Variants in DAPP1 observed in about 807,000 individuals in gnomAD.
The protein encoded by DAPP1 is dual adaptor of phosphotyrosine and 3-phosphoinositides 1.
DAPP1 carries 20 observed loss-of-function variants against 41.5 expected under a neutral mutation model. The ratio of observed to expected loss-of-function variants is 0.48; its 90% CI spans 0.34 to 0.70. The LOEUF is 0.70. Among genes scored for constraint, DAPP1 ranks in the 30% least tolerant of loss-of-function variants. The pLI is 0.01. For synonymous variants in DAPP1, 113 were observed against 116.2 expected, an observed-to-expected ratio of 0.97 and a Z score of 0.18; for missense variants, 233 against 333.4, an observed-to-expected ratio of 0.70 and a Z score of 2.35.
At chr4:99,834,984 T>C (rs1314039535) in intron 1 of DAPP1, among the ~76,000 whole-genome samples, 3 of 148,590 alleles carry the variant, frequency 2.0e-5, no homozygotes, top group African/African-American at 7.5e-5. Flanking sequence ...ACCAGTCATA[T>C]TGAATTAGGG....
chr4:99,841,839 T>C (rs1723505828), intron 3 of DAPP1, among the ~76,000 whole-genome samples: 2 of 152,378 alleles, frequency 1.3e-5, no homozygotes, highest in South Asian at 4.1e-4. Flanking sequence ...TAAGAACTCT[T>C]TGTAGTCTTC....
chr4:99,819,143 C>T (rs988357483), intron 1 of DAPP1, among the ~76,000 whole-genome samples: 9 of 152,252 alleles, frequency 5.9e-5, no homozygotes, highest in South Asian at 4.1e-4. Flanking sequence ...AAAATATACC[C>T]GTTTCAAGTG....
chr4:99,841,547 T>A (rs1471981185), intron 3 of DAPP1, among the ~76,000 whole-genome samples: 1 of 152,210 alleles, frequency 6.6e-6, no homozygotes, highest in African/African-American at 2.4e-5. Flanking sequence ...GTTGTTCCCA[T>A]GAACAAATGG....
intron 4 of DAPP1, among the ~76,000 whole-genome samples, chr4:99,856,095 ACT>A (rs935212985): frequency 6.6e-6 from 1 of 152,016 alleles, no homozygotes; most frequent in African/African-American, 2.4e-5. Flanking sequence ...TATTAAACAA[ACT>A]TTTTTTTTTT....
At chr4:99,818,082 T>C (rs1722650212) in intron 1 of DAPP1, among the ~76,000 whole-genome samples, 1 of 152,236 alleles carries the variant, frequency 6.6e-6, no homozygotes, top group African/African-American at 2.4e-5. Flanking sequence ...CTTTTTATGT[T>C]GTATTACTGT....
At chr4:99,819,350 C>T (rs1691280900) in intron 1 of DAPP1, among the ~76,000 whole-genome samples, 1 of 152,124 alleles carries the variant, frequency 6.6e-6, no homozygotes, top group South Asian at 2.1e-4. Context: ...TGCCTAATTC[C>T]CTGGTATAAA....
intron 6 of DAPP1, 130 bp from the exon 7 acceptor site, chr4:99,863,640 C>T: frequency 3.0e-6 from 2 of 669,244 alleles, no homozygotes; most frequent in Non-Finnish European, 5.1e-6. Flanking sequence ...TATTGTCAGT[C>T]CTGTTAGTGA....
intron 1 of DAPP1, among the ~76,000 whole-genome samples, chr4:99,822,576 T>G (rs1272490998): frequency 6.6e-6 from 1 of 152,038 alleles, no homozygotes; most frequent in Non-Finnish European, 1.5e-5. Context: ...GGTAGCAAAA[T>G]ATGCAAGGAT....
rs528273556 is a variant in DAPP1, at chr4:99,848,037, C to T, written c.359-5181C>T. 4.7e-3 allele frequency among the ~76,000 whole-genome samples: 710 copies of T among 152,078 alleles called. 2 individuals are homozygous for T. Among genetic ancestry groups the T allele is most frequent in the Non-Finnish European group, 6.3e-3 (430 of 68,006 alleles). ...TCATGTTGGCCAGGATGGTCTTGAT[C>T]TCCTGACCTCATGATCCGCCCCCTC... is the stretch of plus-strand genomic sequence containing the variant. On this transcript the variant is annotated intron_variant, in intron 3 of 8. Transcript: ENST00000512369.
rs1158334463 is a variant in DAPP1 at position 99,846,231 on chromosome 4, A to T, written c.358+5809A>T. 2.0e-5 allele frequency among the ~76,000 whole-genome samples: 3 copies of T among 152,342 alleles called. No homozygotes were observed. The East Asian group carries it at 5.8e-4, about 29-fold the overall frequency. On this transcript the variant is annotated intron_variant, in intron 3 of 8. Coordinates refer to ENST00000512369, the MANE Select transcript of DAPP1 (RefSeq NM_014395.3). ...ACATGTCAACTCTTGCCCACAATAC[A>T]GCACAGTATTTCACATGCCCTAGAA...
intron 6 of DAPP1, among the ~76,000 whole-genome samples, chr4:99,863,440 TA>T (rs1724310427): frequency 6.6e-6 from 1 of 152,194 alleles, no homozygotes; most frequent in Non-Finnish European, 1.5e-5. Flanking sequence ...AATTTAAAAT[TA>T]TTTTTTCTCA....
chr4:99,832,500 G>C (rs1206624722), intron 1 of DAPP1, among the ~76,000 whole-genome samples: 7 of 152,206 alleles, frequency 4.6e-5, no homozygotes, highest in Non-Finnish European at 1.0e-4. Flanking sequence ...ATGGAATGTA[G>C]GTGGCTGCCT....
intron 2 of DAPP1, among the ~76,000 whole-genome samples, chr4:99,839,456 A>G (rs564608411): frequency 1.5e-4 from 22 of 151,166 alleles, no homozygotes; most frequent in African/African-American, 4.6e-4. Flanking sequence ...CCTCATTTCA[A>G]AAATGAAGTG....
chr4:99,829,686 G>A (rs967975208), intron 1 of DAPP1, among the ~76,000 whole-genome samples: 14 of 152,084 alleles, frequency 9.2e-5, no homozygotes, highest in African/African-American at 2.7e-4. Context: ...TAATCACATT[G>A]AGAAGCTGAA....
intron 2 of DAPP1, among the ~76,000 whole-genome samples, chr4:99,837,844 T>A (rs113937658): frequency 0.063 from 9,604 of 152,106 alleles, 586 homozygotes; most frequent in East Asian, 0.24. Flanking sequence ...GTTTTCCTGC[T>A]ACTAGATGGT....
intron 5 of DAPP1, among the ~76,000 whole-genome samples, 182 bp from the exon 6 acceptor site, chr4:99,862,828 A>T (rs1247950755): frequency 2.0e-5 from 3 of 152,110 alleles, no homozygotes; most frequent in Non-Finnish European, 2.9e-5. Context: ...AATTATTTTA[A>T]TTTTTATAGA....
At chr4:99,866,148 C>T (rs952524536) in intron 8 of DAPP1, 27 bp downstream of exon 8, 3 of 1,229,808 alleles carry the variant, frequency 2.4e-6, no homozygotes, top group Non-Finnish European at 2.4e-6. Context: ...CTTCAGATGT[C>T]AAGTCTTGAG....
intron 1 of DAPP1, among the ~76,000 whole-genome samples, chr4:99,835,044 T>C (rs1723249433): frequency 6.6e-6 from 1 of 151,208 alleles, no homozygotes; most frequent in Admixed American, 6.6e-5. Flanking sequence ...AATTGCACTC[T>C]GTTACCCAGG....
At chr4:99,818,865 C>T (rs1037999780) in intron 1 of DAPP1, among the ~76,000 whole-genome samples, 1 of 152,202 alleles carries the variant, frequency 6.6e-6, no homozygotes, top group African/African-American at 2.4e-5. Flanking sequence ...ACCCAAACCA[C>T]AGACTTGACA....
Sources: gnomAD v4.1 joint callset for allele counts (sites outside exome capture counted in the v4.1 genomes callset) on GRCh38, gnomAD v4.1.1 for gene constraint, MANE v1.5 for transcripts, NCBI Gene and HGNC (gene_info 2026-07-23, HGNC 2026-07-21) for gene names.